The following UBXN8 variants were observed in gnomAD, a reference collection of about 807,000 sequenced individuals.
UBXN8 encodes UBX domain protein 8.
UBXN8 carries 27 observed loss-of-function variants against 32.1 expected under a neutral mutation model. The ratio of observed to expected loss-of-function variants is 0.84; its 90% CI spans 0.62 to 1.16. The LOEUF (loss-of-function observed/expected upper bound fraction) is 1.16. UBXN8 is among the 50% of genes most tolerant of loss of function. The pLI is 0.00. For missense variants in UBXN8, 306 were observed against 311.4 expected, an observed-to-expected ratio of 0.98 and a Z score of 0.13; for synonymous variants, 109 against 111.8, an observed-to-expected ratio of 0.98 and a Z score of 0.16.
intron 5 of UBXN8, among the ~76,000 whole-genome samples, chr8:30,759,975 A>C (rs1381401206): frequency 9.4e-6 from 1 of 106,736 alleles, no homozygotes. Context: ...AAATAAATAA[A>C]ATAAAATAAA....
At chr8:30,760,131 A>G (rs1805790674) in intron 5 of UBXN8, among the ~76,000 whole-genome samples, 1 of 146,260 alleles carries the variant, frequency 6.8e-6, no homozygotes. Context: ...GCACAACCTC[A>G]GCTCACTGCA....
chr8:30,748,962 C>T (rs982010583), intron 1 of UBXN8, among the ~76,000 whole-genome samples: 3 of 152,198 alleles, frequency 2.0e-5, no homozygotes, highest in East Asian at 1.9e-4. Flanking sequence ...AAACACAAAA[C>T]GAGTAAAAAT....
intron 7 of UBXN8, among the ~76,000 whole-genome samples, chr8:30,765,107 C>G (rs1387950910): frequency 6.6e-6 from 1 of 151,856 alleles, no homozygotes; most frequent in African/African-American, 2.4e-5. Context: ...TAGAACAGGT[C>G]TCACTATGCT....
At chr8:30,758,012 C>T (rs1805709389) in intron 5 of UBXN8, among the ~76,000 whole-genome samples, 1 of 152,002 alleles carries the variant, frequency 6.6e-6, no homozygotes, top group South Asian at 2.1e-4. Flanking sequence ...TCTCCTGCCT[C>T]AGCCTCCCGA....
At chr8:30,750,226 C>T (rs971748823) in intron 1 of UBXN8, among the ~76,000 whole-genome samples, 7 of 151,984 alleles carry the variant, frequency 4.6e-5, no homozygotes, top group African/African-American at 1.2e-4. Flanking sequence ...AATCCCAGGA[C>T]CTTGGGAGGC....
At position 30,766,580 on chromosome 8, in the gene UBXN8, G is replaced by A. The variant is rs1415399729; in HGVS notation, c.*186G>A. On this transcript the variant is annotated 3_prime_UTR_variant, in exon 8 of 8. Coordinates refer to ENST00000265616, the MANE Select transcript of UBXN8 (RefSeq NM_005671.4). ...TTCTATATATAATAATCTGTGGACT[G>A]TGCCATTTTACAGTGTACCAAATGA... is the stretch of plus-strand genomic sequence containing the variant. 1 of 479,780 alleles carries A rather than the reference G, an allele frequency of 2.1e-6. No individual in the cohort carries two copies. Among genetic ancestry groups the A allele is most frequent in the East Asian group, 4.1e-5 (1 of 24,652 alleles). The allele number at this position is 479,780 out of a possible 1,614,324, so 29.7% of individuals were successfully genotyped here.
At chr8:30,738,127 G>A (rs1159705916) in intron 1 of UBXN8, among the ~76,000 whole-genome samples, 1 of 149,666 alleles carries the variant, frequency 6.7e-6, no homozygotes, top group Non-Finnish European at 1.5e-5. Flanking sequence ...AGAATCTCTC[G>A]ACTTCAAGAA....
chr8:30,753,336 A>C (rs1805564614), intron 3 of UBXN8, among the ~76,000 whole-genome samples: 1 of 152,164 alleles, frequency 6.6e-6, no homozygotes, highest in Admixed American at 6.6e-5. Flanking sequence ...GGCTCACTGC[A>C]ATCTCCACCT....
chr8:30,760,352 C>T (rs1301940310), intron 5 of UBXN8, among the ~76,000 whole-genome samples: 1 of 148,924 alleles, frequency 6.7e-6, no homozygotes, highest in Non-Finnish European at 1.5e-5. Flanking sequence ...TGAGCCACTG[C>T]GCCCAGCTGA....
At chr8:30,765,846 A>G (rs975248886) in intron 7 of UBXN8, among the ~76,000 whole-genome samples, 1 of 151,918 alleles carries the variant, frequency 6.6e-6, no homozygotes, top group Non-Finnish European at 1.5e-5. Context: ...CGTCTCTACT[A>G]AAAATACAAA....
intron 5 of UBXN8, among the ~76,000 whole-genome samples, chr8:30,760,444 T>TATATATA (rs60534482): frequency 0.038 from 2,526 of 66,736 alleles, 31 homozygotes; most frequent in East Asian, 0.061. Context: ...TATATATATA[T>TATATATA]TTTTTTTTTT....
chr8:30,752,801 A>G (rs1327434211), intron 2 of UBXN8, among the ~76,000 whole-genome samples: 1 of 152,226 alleles, frequency 6.6e-6, no homozygotes, highest in Non-Finnish European at 1.5e-5. Flanking sequence ...GTAAGTAAAT[A>G]AAAGGAAAGT....
chr8:30,758,900 T>TTTTTTTTTTTTTTTTTTTTTTG (rs1554578741), intron 5 of UBXN8, among the ~76,000 whole-genome samples: 1 of 121,994 alleles, frequency 8.2e-6, no homozygotes, highest in East Asian at 2.4e-4. Flanking sequence ...TTTTGTTTTT[T>TTTTTTTTTTTTTTTTTTTTTTG]TTTTTTTTTT....
chr8:30,730,792 A>G (rs558543931), upstream of UBXN8, among the ~76,000 whole-genome samples: 7 of 152,380 alleles, frequency 4.6e-5, no homozygotes, highest in Admixed American at 1.3e-4. Flanking sequence ...CATGATTAAC[A>G]TGGCTTTAGT....
Position 30,766,934 on chromosome 8 carries a change from C to T in UBXN8, c.*540C>T, listed in dbSNP as rs1423883432. The T allele has an allele frequency of 1.3e-5, 2 of 152,136 alleles. No individual in the cohort carries two copies. The highest frequency in any genetic ancestry group is 2.4e-5 in the African/African-American group (1 of 41,416). The allele number at this position is 152,136 out of a possible 1,614,324, so 9.4% of individuals were successfully genotyped here. A position where few individuals can be genotyped will look rare whatever the true frequency, so the allele number is the denominator to read the frequency against. ...TAATTTTGCCTTGTATTAAATGTTA[C>T]AAAGTTCCAAATGAATCAGTATTTT... On this transcript the variant is annotated 3_prime_UTR_variant, in exon 8 of 8. Transcript: ENST00000265616.
chr8:30,757,971 C>G (rs1689877643), intron 5 of UBXN8, among the ~76,000 whole-genome samples: 2 of 151,972 alleles, frequency 1.3e-5, no homozygotes, highest in African/African-American at 4.8e-5. Flanking sequence ...ACTGCAGGCT[C>G]TGCCTCCTGG....
At chr8:30,742,986 T>C (rs1805245410), upstream of UBXN8, among the ~76,000 whole-genome samples, 1 of 151,888 alleles carries the variant, frequency 6.6e-6, no homozygotes, top group African/African-American at 2.4e-5. Flanking sequence ...TATCCAAGAG[T>C]TGTAGAGTAC....
intron 2 of UBXN8, among the ~76,000 whole-genome samples, chr8:30,752,562 C>T (rs917005794): frequency 6.6e-6 from 1 of 152,148 alleles, no homozygotes; most frequent in South Asian, 2.1e-4. Context: ...AGTCCTGCCT[C>T]AGTCGCCCAA....
intron 7 of UBXN8, among the ~76,000 whole-genome samples, chr8:30,765,512 A>G (rs1445630081): frequency 7.0e-6 from 1 of 142,580 alleles, no homozygotes; most frequent in Non-Finnish European, 1.5e-5. Context: ...GTGCCATTAT[A>G]TGTTTCGGGA....
Sources: allele counts gnomAD v4.1 joint callset (sites outside exome capture counted in the v4.1 genomes callset), GRCh38; gene constraint gnomAD v4.1.1; transcripts MANE v1.5; gene names NCBI Gene and HGNC (gene_info 2026-07-23, HGNC 2026-07-21).